ZNF23: variants seen among roughly 807,000 people sequenced by gnomAD.
The protein encoded by ZNF23 is kruppel-like zinc finger factor X31.
A neutral mutation model predicts 56.2 loss-of-function variants in ZNF23; 48 were observed. That is an observed-to-expected ratio of 0.85 (90% confidence interval 0.68 to 1.09). The LOEUF (loss-of-function observed/expected upper bound fraction) is 1.09, where lower values mean the gene tolerates loss of function less well. Ranked by LOEUF, ZNF23 falls within the 50% of genes least tolerant of loss-of-function variation. The probability of loss-of-function intolerance (pLI) is 0.00; values close to 1 mark genes in which losing one functional copy is unlikely to be tolerated. For missense variants in ZNF23, 805 were observed against 811.4 expected (o/e 0.99, Z 0.10); for synonymous variants, 266 against 283.3 (o/e 0.94, Z 0.61).
rs1156506573 is a variant in ZNF23, at chr16:71,448,530, T to C, written c.1624A>G (p.Thr542Ala). ...TTACATTGATAGGGCTTTTCTCCAG[T>C]ATGGATTCGGTGATGATCAAGTAGG... ...RNLLDHHRIHTGEKPYQCKEC... is the reference protein window; with the variant it reads ...RNLLDHHRIHAGEKPYQCKEC... Residue 542 changes from threonine to alanine, a missense_variant, in exon 5 of 5, where the codon ACT becomes GCT. Coordinates refer to ENST00000647773, the MANE Select transcript of ZNF23 (RefSeq NM_001381984.1). 6.2e-7 allele frequency: 1 copy of C among 1,614,198 alleles called. No homozygotes were observed. The highest frequency in any genetic ancestry group is 1.7e-5 in the Admixed American group (1 of 60,030).
At position 71,449,576 on chromosome 16, in the gene ZNF23, C is replaced by T. The variant is rs1291991946; in HGVS notation, c.578G>A (p.Ser193Asn). Residue 193 changes from serine (S) to asparagine (N), a missense_variant, in exon 5 of 5, where the codon AGC becomes AAC. Transcript: ENST00000647773. Reference sequence around the variant, plus strand: ...ATGCTTCACGAGTTTTGTATCAAAGCTGATGGATTTCCCCAATCCTGTACA... The same window carrying T: ...ATGCTTCACGAGTTTTGTATCAAAGTTGATGGATTTCCCCAATCCTGTACA... ...SGCTGLGKSI[S>N]FDTKLVKHEI... 2 of 1,614,100 alleles carry T rather than the reference C, an allele frequency of 1.2e-6. No homozygotes were observed. The highest frequency in any genetic ancestry group is 3.3e-5 in the Admixed American group (2 of 60,018).
intron 2 of ZNF23, among the ~76,000 whole-genome samples, chr16:71,454,632 C>T (rs2145101914): frequency 6.6e-6 from 1 of 152,222 alleles, no homozygotes; most frequent in East Asian, 1.9e-4. Flanking sequence ...CATCCAGCCC[C>T]ACCAGATTCC....
At chr16:71,461,987 C>G (rs1241970809) in intron 1 of ZNF23, 1 of 152,296 alleles carries the variant, frequency 6.6e-6, no homozygotes, top group African/African-American at 2.4e-5. Flanking sequence ...GTGCGTTTCC[C>G]CTTCCAATGG....
intron 1 of ZNF23, among the ~76,000 whole-genome samples, chr16:71,460,101 G>A: frequency 6.6e-6 from 1 of 152,166 alleles, no homozygotes; most frequent in South Asian, 2.1e-4. Context: ...GAAAGTATAT[G>A]AGAACCTACC....
intron 4 of ZNF23, chr16:71,450,544 C>A: frequency 3.3e-6 from 1 of 306,532 alleles, no homozygotes; most frequent in Non-Finnish European, 6.5e-6. Flanking sequence ...CACAGTGAAA[C>A]CCCGTCTCTA....
intron 2 of ZNF23, chr16:71,456,236 T>A (rs1310166005): frequency 5.6e-6 from 2 of 354,424 alleles, no homozygotes; most frequent in African/African-American, 4.3e-5. Flanking sequence ...AAAGTCTGCA[T>A]CCTAAACTTT....
In ZNF23 at chr16:71,448,466, G is replaced by C. The variant is rs1319869815; in HGVS notation, c.1688C>G (p.Thr563Ser). 6.2e-7 allele frequency: 1 copy of C among 1,613,918 alleles called. No individual in the cohort carries two copies. The highest frequency in any genetic ancestry group is 1.3e-5 in the African/African-American group (1 of 74,928). The change falls in exon 5 of 5, where the codon ACT becomes AGT. Residue 563 changes from threonine to serine, a missense_variant. Physicochemically the swap from Thr to Ser is moderately conservative, Grantham distance 58. Coordinates refer to ENST00000647773, the MANE Select transcript of ZNF23 (RefSeq NM_001381984.1). Reference protein sequence around the residue: ...GKAFSINAKLTRHQRIHTGEK... With the variant: ...GKAFSINAKLSRHQRIHTGEK... The stretch of plus-strand genomic sequence containing the variant: ...CCCAGTATGTATCCTCTGATGCCTA[G>C]TTAGTTTGGCATTGATACTGAAGGC...
chr16:71,456,612 C>T (rs2043242367), intron 2 of ZNF23, 152 bp downstream of exon 2: 6 of 812,000 alleles, frequency 7.4e-6, no homozygotes, highest in Non-Finnish European at 7.4e-6. Context: ...CTGTCCTGGT[C>T]TCTGCCGCCC....
At chr16:71,461,317 G>A (rs548142454) in intron 1 of ZNF23, among the ~76,000 whole-genome samples, 1 of 152,046 alleles carries the variant, frequency 6.6e-6, no homozygotes, top group East Asian at 1.9e-4. Context: ...ATATAAACCA[G>A]CAAGGATGGG....
intron 1 of ZNF23, among the ~76,000 whole-genome samples, chr16:71,460,302 C>T (rs1394430872): frequency 6.8e-6 from 1 of 147,960 alleles, no homozygotes; most frequent in Non-Finnish European, 1.5e-5. Context: ...TCTCTTGGCT[C>T]CCTCCCAAGG....
At position 71,448,368 on chromosome 16, in the gene ZNF23, T is replaced by C; in HGVS notation, c.1786A>G (p.Ile596Val). The stretch of plus-strand genomic sequence containing the variant: ...TGAAAGGGTTTCTCTCCTGTATGGA[T>C]TCTCTGGTGCACAATATAGTTAGAA... ...CSSNYIVHQR[I>V]HTGEKPFQCK... is the part of the protein sequence containing the mutation. The change falls in exon 5 of 5, where the codon ATC becomes GTC. Residue 596 changes from isoleucine (I) to valine (V), a missense_variant. Coordinates refer to ENST00000647773, the MANE Select transcript of ZNF23 (RefSeq NM_001381984.1). 1 of 1,614,122 alleles carries C rather than the reference T, an allele frequency of 6.2e-7. No individual in the cohort carries two copies. Among genetic ancestry groups the C allele is most frequent in the Non-Finnish European group, 8.5e-7 (1 of 1,180,006 alleles).
Position 71,449,584 on chromosome 16 carries a change from T to C in ZNF23, c.570A>G (p.Lys190=). Residue 190 remains lysine, a synonymous_variant, in exon 5 of 5, where the codon AAA becomes AAG. Transcript: ENST00000647773. The stretch of plus-strand genomic sequence containing the variant: ...CGAGTTTTGTATCAAAGCTGATGGA[T>C]TTCCCCAATCCTGTACACCCAGAGG... The part of the protein sequence containing the change: ...EQPSGCTGLG[K]SISFDTKLVK... The C allele has an allele frequency of 6.2e-7, 1 of 1,614,126 alleles. No individual in the cohort carries two copies.
rs1488076337 is a variant in ZNF23 at position 71,453,344 on chromosome 16, G to A, written c.167C>T (p.Pro56Leu). Reference sequence around the variant, plus strand: ...TGAGATCACAGCAGGTTTGAGAAGTGGAAATCCTGGTTTGGGAGAGGTAAA... The same window carrying A: ...TGAGATCACAGCAGGTTTGAGAAGTAGAAATCCTGGTTTGGGAGAGGTAAA... ...NYGNVASLGF[P>L]LLKPAVISQL... is the part of the protein sequence containing the mutation. The change falls in exon 4 of 5, where the codon CCA becomes CTA. Residue 56 changes from proline to leucine, a missense_variant. By Grantham distance (98) the Pro-to-Leu change is moderately conservative. Transcript: ENST00000647773. 3 of 1,593,330 alleles carry A rather than the reference G, an allele frequency of 1.9e-6. No individual in the cohort carries two copies. Among genetic ancestry groups the A allele is most frequent in the Non-Finnish European group, 2.6e-6 (3 of 1,168,772 alleles).
At chr16:71,450,762 T>A (rs2145079722) in intron 4 of ZNF23, 1 of 417,136 alleles carries the variant, frequency 2.4e-6, no homozygotes, top group Non-Finnish European at 4.8e-6. Flanking sequence ...ATTCTAGGTC[T>A]TGTCCACCAG....
chr16:71,451,986 C>T (rs1442199616), intron 4 of ZNF23: 2 of 152,262 alleles, frequency 1.3e-5, no homozygotes, highest in Non-Finnish European at 2.9e-5. Flanking sequence ...ACACTGCTGC[C>T]ATGGGCCTCA....
chr16:71,460,977 A>G (rs1238986858), intron 1 of ZNF23, among the ~76,000 whole-genome samples: 3 of 152,224 alleles, frequency 2.0e-5, no homozygotes, highest in Non-Finnish European at 4.4e-5. Flanking sequence ...ACACAGAATG[A>G]ATTTGGAAAC....
rs138578909 is a variant in ZNF23 at position 71,449,356 on chromosome 16, G to A, written c.798C>T (p.Pro266=). The change falls in exon 5 of 5, where the codon CCC becomes CCT. Residue 266 remains proline (P), a synonymous_variant. Coordinates refer to ENST00000647773, the MANE Select transcript of ZNF23 (RefSeq NM_001381984.1). ...WHQRLHSGEK[P]FKCVECGKSF... ...TTTTCCCACACTCCACACATTTGAA[G>A]GGTTTCTCCCCACTGTGAAGTCTCT... 3.4e-5 allele frequency: 55 copies of A among 1,614,114 alleles called. No homozygotes were observed. In the African/African-American group the frequency reaches 5.3e-4, roughly 16 times the overall value.
At position 71,462,201 on chromosome 16, in the gene ZNF23, T is replaced by A. The variant is rs779285372; in HGVS notation, c.-33+9A>T. ...GCACGGCACACAGCGCCCGGAGCCCTGCACTCACCTCCGTAGCGGACTGCT... is the reference window on the plus strand; with the variant it reads ...GCACGGCACACAGCGCCCGGAGCCCAGCACTCACCTCCGTAGCGGACTGCT... On this transcript the variant is annotated intron_variant, in intron 1 of 4. Coordinates refer to ENST00000647773, the MANE Select transcript of ZNF23 (RefSeq NM_001381984.1). 2.6e-5 allele frequency: 4 copies of A among 152,342 alleles called. No individual in the cohort carries two copies. Among genetic ancestry groups the A allele is most frequent in the Non-Finnish European group, 4.4e-5 (3 of 68,156 alleles). The allele number at this position is 152,342 out of a possible 1,614,324, so 9.4% of individuals were successfully genotyped here. A position where few individuals can be genotyped will look rare whatever the true frequency, so the allele number is the denominator to read the frequency against.
chr16:71,459,977 C>G (rs1005320415), intron 1 of ZNF23, among the ~76,000 whole-genome samples: 4 of 152,140 alleles, frequency 2.6e-5, no homozygotes, highest in Admixed American at 6.5e-5. Flanking sequence ...ATAGCTACCC[C>G]GCTCAGCTAG....
Sources: gnomAD v4.1 joint callset for allele counts (sites outside exome capture counted in the v4.1 genomes callset) on GRCh38, gnomAD v4.1.1 for gene constraint, MANE v1.5 for transcripts, NCBI Gene and HGNC (gene_info 2026-07-23, HGNC 2026-07-21) for gene names.